Variants in DLG5 observed in about 807,000 individuals in gnomAD.
DLG5 encodes discs large MAGUK scaffold protein 5.
DLG5 carries 48 observed loss-of-function variants against 189.8 expected under a neutral mutation model. The observed-to-expected ratio is 0.25, with a 90% confidence interval of 0.20 to 0.32. DLG5 has a LOEUF of 0.32. Among genes scored for constraint, DLG5 ranks in the 10% least tolerant of loss-of-function variants. The pLI is 1.00. For synonymous variants in DLG5, 1,016 were observed against 1,054.1 expected, an observed-to-expected ratio of 0.96 and a Z score of 0.70; for missense variants, 2,160 against 2,544.7, an observed-to-expected ratio of 0.85 and a Z score of 3.25.
intron 1 of DLG5, among the ~76,000 whole-genome samples, chr10:77,924,116 C>T (rs2559659): frequency 0.26 from 39,651 of 152,128 alleles, 5,705 homozygotes; most frequent in Admixed American, 0.39. Flanking sequence ...CTGCCCGCCT[C>T]GGCCTCCCAA....
intron 13 of DLG5, chr10:77,824,682 T>C (rs1344710203): frequency 3.7e-6 from 2 of 536,356 alleles, no homozygotes; most frequent in Non-Finnish European, 6.6e-6. Context: ...CACATAAGCC[T>C]TCACAGCAGG....
intron 1 of DLG5, among the ~76,000 whole-genome samples, chr10:77,916,286 GA>G (rs141815233): frequency 0.033 from 5,015 of 150,932 alleles, 236 homozygotes; most frequent in East Asian, 0.26. Context: ...TCTGAAGGAA[GA>G]AAAAAAATTT....
In DLG5 at chr10:77,807,403, T is replaced by C. The variant is rs1161697716; in HGVS notation, c.4796+393A>G. 3.3e-5 allele frequency among the ~76,000 whole-genome samples: 5 copies of C among 152,148 alleles called. No individual in the cohort carries two copies. The East Asian group carries it at 9.6e-4, about 29-fold the overall frequency. On this transcript the variant is annotated intron_variant, in intron 25 of 31. Transcript: ENST00000372391. ...GCTCCTCCTAGAAAGCCTGCTGCCATCCCTAAATGCCCACAGCATTTCATA... is the reference window on the plus strand; with the variant it reads ...GCTCCTCCTAGAAAGCCTGCTGCCACCCCTAAATGCCCACAGCATTTCATA...
chr10:77,814,850 C>T (rs1841975040), intron 20 of DLG5, among the ~76,000 whole-genome samples: 1 of 152,176 alleles, frequency 6.6e-6, no homozygotes, highest in African/African-American at 2.4e-5. Flanking sequence ...GTGTGAACCA[C>T]AGCACTCGGC....
chr10:77,881,367 A>G (rs531056291), intron 1 of DLG5, among the ~76,000 whole-genome samples: 7 of 152,282 alleles, frequency 4.6e-5, no homozygotes, highest in African/African-American at 1.7e-4. Context: ...CTCTTCTCCA[A>G]GCAGGCATGC....
chr10:77,817,038 T>C lies in DLG5; in HGVS notation c.3843A>G (p.Arg1281=). 6.2e-7 allele frequency: 1 copy of C among 1,614,098 alleles called. No homozygotes were observed. The highest frequency in any genetic ancestry group is 1.3e-5 in the African/African-American group (1 of 75,016). The change falls in exon 19 of 32, where the codon AGA becomes AGG. Residue 1281 remains arginine (R), a synonymous_variant. Transcript: ENST00000372391. Reference sequence around the variant, plus strand: ...CGGAGCCCACGACACTCCGCGGATATCTTGGTGTTGATGGGATTTTAATGC... The same window carrying C: ...CGGAGCCCACGACACTCCGCGGATACCTTGGTGTTGATGGGATTTTAATGC... ...AERIKIPSTP[R]YPRSVVGSER...
chr10:77,910,746 T>C (rs903471973), intron 1 of DLG5, among the ~76,000 whole-genome samples: 1 of 152,090 alleles, frequency 6.6e-6, no homozygotes, highest in Non-Finnish European at 1.5e-5. Context: ...CCAAGGCAGG[T>C]GGATCACCTG....
chr10:77,793,246 T>A (rs951741754), intron 31 of DLG5: 1 of 152,338 alleles, frequency 6.6e-6, no homozygotes, highest in Non-Finnish European at 1.5e-5. Flanking sequence ...CTGTGAGGAA[T>A]TGGAAATGAA....
At chr10:77,836,627 G>A (rs971774525) in intron 7 of DLG5, among the ~76,000 whole-genome samples, 10 of 152,128 alleles carry the variant, frequency 6.6e-5, no homozygotes, top group Admixed American at 3.9e-4. Flanking sequence ...GATCTCAGAC[G>A]TAGAAAACAA....
intron 24 of DLG5, among the ~76,000 whole-genome samples, chr10:77,808,372 T>C (rs1168061675): frequency 6.6e-6 from 1 of 152,124 alleles, no homozygotes; most frequent in African/African-American, 2.4e-5. Flanking sequence ...GCTCAAGTGA[T>C]CCTCCCACCT....
rs10708893 is a variant in DLG5 at position 77,818,783 on chromosome 10, ATT to A, written c.3671+536_3671+537del. Among the ~76,000 whole-genome samples the A allele has an allele frequency of 2.7e-3, 401 of 148,336 alleles. 3 individuals carry two copies. The highest frequency in any genetic ancestry group is 8.1e-3 in the African/African-American group (329 of 40,552). On this transcript the variant is annotated intron_variant, in intron 17 of 31. Coordinates refer to ENST00000372391, the MANE Select transcript of DLG5 (RefSeq NM_004747.4). ...GGCACCATCTGATATCACTTCGTTC[ATT>A]TTTTTTTTTTGTCTGCCTCCCACAT...
intron 1 of DLG5, among the ~76,000 whole-genome samples, chr10:77,873,889 G>A (rs1455281471): frequency 1.3e-5 from 2 of 152,198 alleles, no homozygotes; most frequent in Non-Finnish European, 2.9e-5. Context: ...GCTACTCTCT[G>A]GAGCTCTGGG....
chr10:77,848,238 T>C (rs1389051534), intron 5 of DLG5, among the ~76,000 whole-genome samples: 2 of 152,168 alleles, frequency 1.3e-5, no homozygotes, highest in Non-Finnish European at 2.9e-5. Flanking sequence ...CTCTGTGGGC[T>C]TCTCTGTAAG....
At chr10:77,811,903 C>T (rs755403016) in intron 22 of DLG5, 21 bp downstream of exon 22, 48 of 1,596,428 alleles carry the variant, frequency 3.0e-5, no homozygotes, top group Non-Finnish European at 4.1e-5. Flanking sequence ...GCCCAGACGG[C>T]CCTGGGAGGC....
rs1050357416 is a variant in DLG5 at position 77,891,573 on chromosome 10, G to C, written c.305-22376C>G. On this transcript the variant is annotated intron_variant, in intron 1 of 31. Transcript: ENST00000372391. Reference sequence around the variant, plus strand: ...GTGAGCTCACCTCTGTCCCCCAACAGACACACACACACACACACACACACA... The same window carrying C: ...GTGAGCTCACCTCTGTCCCCCAACACACACACACACACACACACACACACA... Among the ~76,000 whole-genome samples the C allele has an allele frequency of 4.3e-5, 6 of 140,570 alleles. No individual in the cohort carries two copies. In the East Asian group the frequency reaches 6.5e-4, roughly 15 times the overall value. 92.2% of individuals were successfully genotyped at this position (140,570 alleles called of 152,430 possible).
chr10:77,800,558 C>T (rs2579148), intron 27 of DLG5, among the ~76,000 whole-genome samples: 36,996 of 148,746 alleles, frequency 0.25, 5,352 homozygotes, highest in Admixed American at 0.39. Context: ...AACCCAGGCA[C>T]GGGGCCGCCG....
chr10:77,933,842 A>G, the DLG5 span, among the ~76,000 whole-genome samples: 29 of 152,186 alleles, frequency 1.9e-4, no homozygotes, highest in East Asian at 5.0e-3. Context: ...GTTTTGTTAT[A>G]TGGCTACAGG....
intron 15 of DLG5, chr10:77,820,870 C>A (rs1842310678): frequency 1.7e-6 from 1 of 575,520 alleles, no homozygotes; most frequent in South Asian, 2.8e-5. Flanking sequence ...TAAAGTGTTC[C>A]CCTCTTGTGT....
intron 13 of DLG5, among the ~76,000 whole-genome samples, chr10:77,826,481 T>G (rs1032558770): frequency 1.3e-5 from 2 of 151,776 alleles, no homozygotes; most frequent in African/African-American, 4.8e-5. Context: ...ACAAAAAAAC[T>G]AGCAGGGCGT....
Sources: allele counts gnomAD v4.1 joint callset (sites outside exome capture counted in the v4.1 genomes callset), GRCh38; gene constraint gnomAD v4.1.1; transcripts MANE v1.5; gene names NCBI Gene and HGNC (gene_info 2026-07-23, HGNC 2026-07-21).